Variants in ERBB4 observed in about 807,000 individuals in gnomAD.
The protein encoded by ERBB4 is receptor tyrosine-protein kinase erbB-4.
In ERBB4, 42 loss-of-function variants were observed where a neutral mutation model predicts 158.0. The observed-to-expected ratio is 0.27, with a 90% confidence interval of 0.21 to 0.34. The LOEUF is 0.34. ERBB4 is among the 10% of genes least tolerant of loss of function. The pLI is 1.00. For synonymous variants in ERBB4, 583 were observed against 558.7 expected, an observed-to-expected ratio of 1.04 and a Z score of -0.61; for missense variants, 1,333 against 1,624.1, an observed-to-expected ratio of 0.82 and a Z score of 3.08.
chr2:211,981,316 C>T (rs1239157497), intron 2 of ERBB4, among the ~76,000 whole-genome samples: 3 of 152,092 alleles, frequency 2.0e-5, no homozygotes, highest in Non-Finnish European at 4.4e-5. Flanking sequence ...CTATTATCTT[C>T]GATTAAAAGG....
intron 1 of ERBB4, among the ~76,000 whole-genome samples, chr2:212,505,088 CTTTTG>C (rs900846324): frequency 5.9e-5 from 9 of 151,920 alleles, no homozygotes; most frequent in Admixed American, 5.9e-4. Context: ...GTTTTTGTTT[CTTTTG>C]TTTGTTTGGT....
At chr2:212,358,965 G>C (rs2089575250) in intron 1 of ERBB4, among the ~76,000 whole-genome samples, 1 of 151,616 alleles carries the variant, frequency 6.6e-6, no homozygotes, top group Admixed American at 6.6e-5. Flanking sequence ...TGAGTAACTG[G>C]TATAAATTAT....
At chr2:212,164,273 A>T (rs1044011230) in intron 1 of ERBB4, among the ~76,000 whole-genome samples, 2 of 145,184 alleles carry the variant, frequency 1.4e-5, no homozygotes, top group African/African-American at 5.1e-5. Context: ...CATATATCAG[A>T]TTTCAAAGAC....
chr2:211,895,551 GC>G (rs2079076040), intron 3 of ERBB4, among the ~76,000 whole-genome samples: 1 of 151,982 alleles, frequency 6.6e-6, no homozygotes, highest in Admixed American at 6.6e-5. Flanking sequence ...CAGCCACCAT[GC>G]CCAGCCTCCT....
chr2:211,745,342 C>A (rs2074933450), intron 5 of ERBB4, among the ~76,000 whole-genome samples: 1 of 152,052 alleles, frequency 6.6e-6, no homozygotes, highest in African/African-American at 2.4e-5. Flanking sequence ...TTCCAAAATA[C>A]TTTTTGCCTC....
intron 1 of ERBB4, among the ~76,000 whole-genome samples, chr2:212,277,967 GGCCTTT>G (rs2085607873): frequency 6.6e-6 from 1 of 151,342 alleles, no homozygotes; most frequent in Non-Finnish European, 1.5e-5. Flanking sequence ...ATCAGACAAT[GGCCTTT>G]CTTCACTCCG....
intron 1 of ERBB4, among the ~76,000 whole-genome samples, chr2:212,265,165 G>A (rs1313800197): frequency 6.6e-6 from 1 of 152,086 alleles, no homozygotes; most frequent in Non-Finnish European, 1.5e-5. Flanking sequence ...CCAGGCCCCT[G>A]CCCTTGAGAA....
intron 3 of ERBB4, among the ~76,000 whole-genome samples, chr2:211,832,608 G>GTATA (rs540148030): frequency 6.7e-6 from 1 of 149,732 alleles, no homozygotes; most frequent in African/African-American, 2.4e-5. Context: ...ACGTGTGTGT[G>GTATA]TATATATATA....
chr2:212,428,005 T>C (rs950690623), intron 1 of ERBB4, among the ~76,000 whole-genome samples: 1 of 152,164 alleles, frequency 6.6e-6, no homozygotes, highest in African/African-American at 2.4e-5. Flanking sequence ...GAAAGAATAA[T>C]AATGTCTTTA....
At position 212,254,385 on chromosome 2, in the gene ERBB4, G is replaced by T. The variant is rs181128736; in HGVS notation, c.83-129482C>A. Among the ~76,000 whole-genome samples the T allele has an allele frequency of 3.7e-4, 56 of 152,218 alleles. No homozygotes were observed. In the Middle Eastern group the frequency reaches 0.01, roughly 28 times the overall value. On this transcript the variant is annotated intron_variant, in intron 1 of 27. Coordinates refer to ENST00000342788, the MANE Select transcript of ERBB4 (RefSeq NM_005235.3). Reference sequence around the variant, plus strand: ...CTGACACACTGATCACACCACAGAGGAAACAAACAACTCGAATAGTGTTAT... The same window carrying T: ...CTGACACACTGATCACACCACAGAGTAAACAAACAACTCGAATAGTGTTAT...
intron 1 of ERBB4, among the ~76,000 whole-genome samples, chr2:212,323,573 A>C (rs1356241177): frequency 6.6e-6 from 1 of 150,480 alleles, no homozygotes; most frequent in South Asian, 2.1e-4. Context: ...TTCACCTCTC[A>C]AAGTTTAATA....
At chr2:211,862,387 A>G (rs1266292659) in intron 3 of ERBB4, among the ~76,000 whole-genome samples, 1 of 152,208 alleles carries the variant, frequency 6.6e-6, no homozygotes, top group Non-Finnish European at 1.5e-5. Flanking sequence ...TTAATTCAGT[A>G]GAGAATATAT....
At chr2:211,735,715 C>A (rs1360823030) in intron 5 of ERBB4, among the ~76,000 whole-genome samples, 1 of 151,864 alleles carries the variant, frequency 6.6e-6, no homozygotes. Context: ...CAGAGAGGGC[C>A]AACACTGAAG....
At chr2:212,288,248 T>G (rs1246099065) in intron 1 of ERBB4, among the ~76,000 whole-genome samples, 2 of 152,022 alleles carry the variant, frequency 1.3e-5, no homozygotes, top group African/African-American at 4.8e-5. Context: ...TAGTTTAGAC[T>G]AGGTTTCAGT....
chr2:211,856,299 A>G (rs2077858451), intron 3 of ERBB4, among the ~76,000 whole-genome samples: 1 of 152,142 alleles, frequency 6.6e-6, no homozygotes, highest in Admixed American at 6.5e-5. Flanking sequence ...TACAGCCCAG[A>G]GCTGTGAAGT....
intron 1 of ERBB4, among the ~76,000 whole-genome samples, chr2:212,232,935 A>G (rs2083720034): frequency 6.6e-6 from 1 of 152,202 alleles, no homozygotes; most frequent in Non-Finnish European, 1.5e-5. Context: ...CAAAAGCAAC[A>G]AAAGTTAAAA....
intron 3 of ERBB4, among the ~76,000 whole-genome samples, chr2:211,815,327 C>T (rs1317708104): frequency 2.0e-5 from 3 of 152,022 alleles, no homozygotes; most frequent in Admixed American, 6.5e-5. Context: ...ATTCCAAATA[C>T]GCATTTCATA....
intron 2 of ERBB4, among the ~76,000 whole-genome samples, chr2:212,074,905 C>G (rs1217679235): frequency 2.0e-5 from 3 of 151,864 alleles, no homozygotes; most frequent in African/African-American, 7.3e-5. Flanking sequence ...TATTTTATAC[C>G]TTGTTTAAAA....
At chr2:212,040,605 T>C (rs927464022) in intron 2 of ERBB4, among the ~76,000 whole-genome samples, 2 of 152,188 alleles carry the variant, frequency 1.3e-5, no homozygotes, top group Non-Finnish European at 2.9e-5. Flanking sequence ...AACTCGTCTC[T>C]GCCAGTTGCC....
Sources: allele counts gnomAD v4.1 joint callset (sites outside exome capture counted in the v4.1 genomes callset), GRCh38; gene constraint gnomAD v4.1.1; transcripts MANE v1.5; gene names NCBI Gene and HGNC (gene_info 2026-07-23, HGNC 2026-07-21).